ANKRD12: variants seen among roughly 807,000 people sequenced by gnomAD.
The protein encoded by ANKRD12 is ankyrin repeat domain-containing protein 12.
Under a neutral mutation model 183.4 loss-of-function variants are expected in ANKRD12, and 85 were observed. The observed-to-expected ratio is 0.46, with a 90% CI of 0.39 to 0.56. The LOEUF (loss-of-function observed/expected upper bound fraction) is 0.56, where lower values mean the gene tolerates loss of function less well. Among genes scored for constraint, ANKRD12 ranks in the 20% least tolerant of loss-of-function variants. The pLI is 0.00. For missense variants in ANKRD12, 2,405 were observed against 2,357.1 expected, an observed-to-expected ratio of 1.02 and a Z score of -0.42; for synonymous variants, 914 against 800.2, an observed-to-expected ratio of 1.14 and a Z score of -2.40.
At chr18:9,275,471 T>TA in intron 10 of ANKRD12, 53 bp from the exon 11 acceptor site, 1 of 1,563,062 alleles carries the variant, frequency 6.4e-7, no homozygotes, top group African/African-American at 1.4e-5. Flanking sequence ...AGACTGTTCT[T>TA]AAACAAAAAT....
chr18:9,161,852 A>T (rs1263174528), intron 1 of ANKRD12, among the ~76,000 whole-genome samples: 1 of 151,296 alleles, frequency 6.6e-6, no homozygotes, highest in Non-Finnish European at 1.5e-5. Flanking sequence ...ACATTTACCT[A>T]CATTATTTAT....
chr18:9,164,131 C>G (rs1005663144), intron 1 of ANKRD12, among the ~76,000 whole-genome samples: 8 of 152,066 alleles, frequency 5.3e-5, no homozygotes, highest in African/African-American at 1.9e-4. Flanking sequence ...CAGCTTTTGC[C>G]ATTTAATATG....
chr18:9,274,156 C>T (rs2039726462), intron 10 of ANKRD12, among the ~76,000 whole-genome samples: 1 of 152,212 alleles, frequency 6.6e-6, no homozygotes. Context: ...GGAGTTTTAT[C>T]TCTGGCTTTC....
chr18:9,268,927 C>A (rs975227232), intron 10 of ANKRD12, among the ~76,000 whole-genome samples: 7 of 152,216 alleles, frequency 4.6e-5, no homozygotes, highest in African/African-American at 1.7e-4. Flanking sequence ...AGCAAAGTCT[C>A]AGGATGCAAA....
intron 6 of ANKRD12, among the ~76,000 whole-genome samples, chr18:9,214,266 A>G (rs2035967865): frequency 6.6e-6 from 1 of 152,156 alleles, no homozygotes; most frequent in South Asian, 2.1e-4. Flanking sequence ...AAAAGTTAAA[A>G]CATATGCATA....
At chr18:9,179,896 G>C (rs1372108996) in intron 1 of ANKRD12, among the ~76,000 whole-genome samples, 1 of 152,216 alleles carries the variant, frequency 6.6e-6, no homozygotes, top group Non-Finnish European at 1.5e-5. Context: ...TTATGACACA[G>C]AATGTGGCCT....
intron 6 of ANKRD12, 125 bp from the exon 7 acceptor site, chr18:9,216,633 C>G: frequency 2.3e-6 from 2 of 883,956 alleles, no homozygotes; most frequent in East Asian, 2.7e-5. Context: ...GCTTCTTCAT[C>G]ACTCCTTTTT....
intron 1 of ANKRD12, among the ~76,000 whole-genome samples, chr18:9,157,501 C>G (rs1422121569): frequency 2.0e-5 from 3 of 149,386 alleles, no homozygotes; most frequent in African/African-American, 7.5e-5. Context: ...AAGCTGAGGA[C>G]CATCTGTATT....
chr18:9,194,054 G>A (rs529077889), intron 2 of ANKRD12, among the ~76,000 whole-genome samples: 1 of 152,190 alleles, frequency 6.6e-6, no homozygotes, highest in Admixed American at 6.5e-5. Context: ...TAAGAAATAG[G>A]GTTGTAATCT....
At chr18:9,231,542 T>G (rs2037047298) in intron 8 of ANKRD12, among the ~76,000 whole-genome samples, 1 of 152,142 alleles carries the variant, frequency 6.6e-6, no homozygotes. Context: ...AGATATTTTA[T>G]CCGTGCCGGG....
intron 11 of ANKRD12, among the ~76,000 whole-genome samples, chr18:9,277,315 C>CT (rs1491254599): frequency 4.8e-5 from 7 of 146,638 alleles, no homozygotes; most frequent in African/African-American, 1.8e-4. Flanking sequence ...GAGTGACACC[C>CT]TGTTTCTTTT....
intron 5 of ANKRD12, among the ~76,000 whole-genome samples, chr18:9,209,004 A>G (rs1485081018): frequency 6.6e-6 from 1 of 152,232 alleles, no homozygotes; most frequent in Non-Finnish European, 1.5e-5. Context: ...TAGAAGCTAT[A>G]CAAGAGTAGG....
At chr18:9,274,105 T>G (rs566305373) in intron 10 of ANKRD12, among the ~76,000 whole-genome samples, 1 of 152,360 alleles carries the variant, frequency 6.6e-6, no homozygotes, top group East Asian at 1.9e-4. Context: ...GTCACAAGAA[T>G]GTTTCTTTCC....
At chr18:9,178,791 A>G (rs1335416068) in intron 1 of ANKRD12, among the ~76,000 whole-genome samples, 2 of 152,160 alleles carry the variant, frequency 1.3e-5, no homozygotes, top group African/African-American at 4.8e-5. Context: ...AGCATGGCAT[A>G]TCTTTCCATA....
chr18:9,139,673 T>C (rs926208706), intron 1 of ANKRD12, among the ~76,000 whole-genome samples: 1 of 152,210 alleles, frequency 6.6e-6, no homozygotes, highest in Non-Finnish European at 1.5e-5. Flanking sequence ...TGTCTAATAA[T>C]TGCTGTAGGT....
Position 9,257,686 on chromosome 18 carries a change from G to A in ANKRD12, c.4419G>A (p.Leu1473=). The A allele has an allele frequency of 6.2e-7, 1 of 1,614,068 alleles. No individual in the cohort carries two copies. The highest frequency in any genetic ancestry group is 1.1e-5 in the South Asian group (1 of 91,070). Residue 1473 remains leucine, a synonymous_variant, in exon 9 of 13, where the codon CTG becomes CTA. Coordinates refer to ENST00000262126, the MANE Select transcript of ANKRD12 (RefSeq NM_015208.5). The stretch of plus-strand genomic sequence containing the variant: ...TTTTATCCCTGCGCCAGACTGAACT[G>A]CCAGGAAACTCTTGTGCTCAGGATC... ...ADFLSLRQTE[L]PGNSCAQDPA... is the part of the protein sequence containing the mutation.
intron 11 of ANKRD12, among the ~76,000 whole-genome samples, chr18:9,277,588 A>G (rs1265220608): frequency 6.6e-6 from 1 of 151,784 alleles, no homozygotes; most frequent in Admixed American, 6.6e-5. Flanking sequence ...CGGCCTCCCA[A>G]AGTGCTAGGA....
chr18:9,169,366 T>C (rs1480274157), intron 1 of ANKRD12, among the ~76,000 whole-genome samples: 2 of 152,340 alleles, frequency 1.3e-5, no homozygotes, highest in African/African-American at 2.4e-5. Flanking sequence ...TGTAGGTCAC[T>C]AAGGACTTGC....
chr18:9,263,612 T>C (rs1196058848), intron 9 of ANKRD12, among the ~76,000 whole-genome samples, 178 bp from the exon 10 acceptor site: 1 of 152,212 alleles, frequency 6.6e-6, no homozygotes, highest in Admixed American at 6.5e-5. Flanking sequence ...ACATCTAAAC[T>C]GTGCTCAATG....
Sources: allele counts gnomAD v4.1 joint callset (sites outside exome capture counted in the v4.1 genomes callset), GRCh38; gene constraint gnomAD v4.1.1; transcripts MANE v1.5; gene names NCBI Gene and HGNC (gene_info 2026-07-23, HGNC 2026-07-21).